Variants in RSPH14 observed in about 807,000 individuals in gnomAD.
RSPH14 encodes radial spoke head 14 homolog.
A neutral mutation model predicts 26.7 loss-of-function variants in RSPH14; 20 were observed. The ratio of observed to expected loss-of-function variants is 0.75; its 90% CI spans 0.53 to 1.09. The LOEUF (loss-of-function observed/expected upper bound fraction) is 1.09. Among genes scored for constraint, RSPH14 ranks in the 50% least tolerant of loss-of-function variants. The pLI, the probability that RSPH14 is intolerant of heterozygous loss-of-function variation, is 0.00. For missense variants in RSPH14, 449 were observed against 457.2 expected (o/e 0.98, Z 0.16); for synonymous variants, 177 against 189.3 (o/e 0.93, Z 0.53).
At position 23,071,102 on chromosome 22, in the gene RSPH14, TC is replaced by T. The variant is rs2068359619; in HGVS notation, c.422-6970del. Among the ~76,000 whole-genome samples the T allele has an allele frequency of 6.6e-6, 1 of 152,120 alleles. No homozygotes were observed. The highest frequency in any genetic ancestry group is 2.1e-4 in the South Asian group (1 of 4,820). ...ACAGCTAGCAGTTCTCGGTCACTGC[TC>T]TTGCAGCGAGCAGGTTCCTCACAGG... On this transcript the variant is annotated intron_variant, in intron 4 of 6. Transcript: ENST00000216036. The surrounding 1 kb of genome is among the most constrained non-coding windows in gnomAD (Gnocchi z 4.1).
chr22:23,138,748 A>G, intron 3 of RSPH14, 92 bp downstream of exon 3: 2 of 1,014,696 alleles, frequency 2.0e-6, no homozygotes, highest in African/African-American at 1.6e-5. Context: ...GGCAGACAAC[A>G]CTCCAGAGCA....
intron 4 of RSPH14, among the ~76,000 whole-genome samples, chr22:23,066,897 GA>G (rs2068225116): frequency 6.6e-6 from 1 of 152,200 alleles, no homozygotes; most frequent in Non-Finnish European, 1.5e-5. Context: ...CGGGAAGTGG[GA>G]AAACTAGTGG....
intron 4 of RSPH14, among the ~76,000 whole-genome samples, chr22:23,072,524 G>A (rs1325710998): frequency 6.6e-6 from 1 of 152,200 alleles, no homozygotes; most frequent in Non-Finnish European, 1.5e-5. Flanking sequence ...CATTTCTGGG[G>A]ATGTTTTTGC....
At chr22:23,096,350 G>A (rs775837880) in intron 4 of RSPH14, 7 of 1,613,414 alleles carry the variant, frequency 4.3e-6, no homozygotes, top group African/African-American at 1.3e-5. Context: ...CTTCGAGGGC[G>A]TCACAGCCAT....
At chr22:23,130,324 G>A (rs1314605787) in intron 4 of RSPH14, among the ~76,000 whole-genome samples, 2 of 149,714 alleles carry the variant, frequency 1.3e-5, no homozygotes, top group Non-Finnish European at 3.0e-5. Flanking sequence ...GCATGGTGGC[G>A]GGTGCCTGTA....
the RSPH14 span, among the ~76,000 whole-genome samples, chr22:23,157,099 C>T: frequency 1.3e-5 from 2 of 152,272 alleles, no homozygotes; most frequent in African/African-American, 4.8e-5. Context: ...GACCGGGGTG[C>T]GGCCAGTGAT....
chr22:23,137,367 G>C lies in RSPH14; in HGVS notation c.302+1473C>G, dbSNP rs1027556288. Among the ~76,000 whole-genome samples the C allele has an allele frequency of 2.8e-5, 4 of 142,188 alleles. 1 individual carries two copies. The highest frequency in any genetic ancestry group is 1.0e-4 in the African/African-American group (4 of 39,664). 93.3% of individuals were successfully genotyped at this position (142,188 alleles called of 152,430 possible). On this transcript the variant is annotated intron_variant, in intron 3 of 6. Coordinates refer to ENST00000216036, the MANE Select transcript of RSPH14 (RefSeq NM_014433.3). ...AGGCTGCCAGGAAGCTCTCTTGTCC[G>C]TGGGGTGTCATGCAAATTAACTCCT...
At chr22:23,130,197 T>G (rs13056301) in intron 4 of RSPH14, among the ~76,000 whole-genome samples, 30,293 of 149,394 alleles carry the variant, frequency 0.2, 3,886 homozygotes, top group Middle Eastern at 0.34. Flanking sequence ...GGCTCACGCC[T>G]GTAATCCCAG....
intron 4 of RSPH14, among the ~76,000 whole-genome samples, chr22:23,119,470 T>A (rs1411474073): frequency 1.3e-5 from 2 of 152,202 alleles, no homozygotes; most frequent in East Asian, 3.8e-4. Context: ...TGCAGGCCTC[T>A]GGTCTAGGAA....
chr22:23,073,653 G>C (rs1193977429), intron 4 of RSPH14, among the ~76,000 whole-genome samples: 1 of 152,230 alleles, frequency 6.6e-6, no homozygotes, highest in Non-Finnish European at 1.5e-5. Context: ...GAACCAACAG[G>C]GACCGCTTGA....
chr22:23,095,485 G>C lies in RSPH14; in HGVS notation c.422-31352C>G, dbSNP rs1043772353. Reference sequence around the variant, plus strand: ...AGGTGGAGTGTCACTAGTGGGGAGGGGCGGCCACCGCCCGCTGCACAGAGC... The same window carrying C: ...AGGTGGAGTGTCACTAGTGGGGAGGCGCGGCCACCGCCCGCTGCACAGAGC... On this transcript the variant is annotated intron_variant, in intron 4 of 6. Transcript: ENST00000216036. 5.5e-5 allele frequency: 32 copies of C among 579,778 alleles called. No individual in the cohort carries two copies. The Admixed American group carries it at 8.0e-4, about 15-fold the overall frequency. The allele number at this position is 579,778 out of a possible 1,614,324, so 35.9% of individuals were successfully genotyped here.
intron 4 of RSPH14, among the ~76,000 whole-genome samples, chr22:23,089,048 C>T (rs1255346451): frequency 8.6e-5 from 13 of 151,684 alleles, no homozygotes; most frequent in South Asian, 2.1e-4. Context: ...TCACTCTTTC[C>T]GTCGCCCAAG....
chr22:23,161,180 C>T, the RSPH14 span, among the ~76,000 whole-genome samples: 1 of 152,180 alleles, frequency 6.6e-6, no homozygotes, highest in South Asian at 2.1e-4. Flanking sequence ...TTCCACCTGC[C>T]AGGTCAGACA....
the RSPH14 span, chr22:23,161,482 C>G: frequency 1.3e-6 from 2 of 1,596,856 alleles, no homozygotes; most frequent in Non-Finnish European, 1.7e-6. Flanking sequence ...TGCTAAATTA[C>G]TTCTCCCCTC....
At chr22:23,091,455 T>G (rs185815675) in intron 4 of RSPH14, among the ~76,000 whole-genome samples, 76 of 146,922 alleles carry the variant, frequency 5.2e-4, no homozygotes, top group Non-Finnish European at 9.3e-4. Context: ...CAGGGTCCTA[T>G]GCATACACAC....
chr22:23,061,583 C>A (rs933633605), intron 6 of RSPH14, among the ~76,000 whole-genome samples: 1 of 152,056 alleles, frequency 6.6e-6, no homozygotes, highest in African/African-American at 2.4e-5. Context: ...CACAGAGGTC[C>A]TAATGTGAGT....
At chr22:23,070,201 C>T (rs866709852) in intron 4 of RSPH14, among the ~76,000 whole-genome samples, 12 of 151,714 alleles carry the variant, frequency 7.9e-5, no homozygotes, top group Non-Finnish European at 1.0e-4. Flanking sequence ...GGACAGAGGG[C>T]CGGCGCTCGT....
At chr22:23,143,483 C>G (rs1042717182), upstream of RSPH14, among the ~76,000 whole-genome samples, 1 of 152,068 alleles carries the variant, frequency 6.6e-6, no homozygotes, top group African/African-American at 2.4e-5. Context: ...GAATTGGGGA[C>G]TGCAATGGAC....
chr22:23,069,532 G>A (rs935265160), intron 4 of RSPH14, among the ~76,000 whole-genome samples: 3 of 152,182 alleles, frequency 2.0e-5, no homozygotes, highest in Non-Finnish European at 4.4e-5. Flanking sequence ...AGGGTCTGAT[G>A]CTTTCCACCA....
Sources: gnomAD v4.1 joint callset for allele counts (sites outside exome capture counted in the v4.1 genomes callset) on GRCh38, gnomAD v4.1.1 for gene constraint, Gnocchi (gnomAD v3.1) non-coding constraint, MANE v1.5 for transcripts, NCBI Gene and HGNC (gene_info 2026-07-23, HGNC 2026-07-21) for gene names.